SLAIN2: variants seen among roughly 807,000 people sequenced by gnomAD.
SLAIN2 encodes the protein SLAIN family member 2.
Under a neutral mutation model 56.6 loss-of-function variants are expected in SLAIN2, and 31 were observed. That is an observed-to-expected ratio of 0.55 (90% CI 0.41 to 0.74). SLAIN2 has a LOEUF of 0.74. SLAIN2 is among the 30% of genes least tolerant of loss of function. The probability of loss-of-function intolerance (pLI) is 0.00; values close to 1 mark genes in which losing one functional copy is unlikely to be tolerated. For synonymous variants in SLAIN2, 317 were observed against 284.9 expected, an observed-to-expected ratio of 1.11 and a Z score of -1.13; for missense variants, 777 against 754.2, an observed-to-expected ratio of 1.03 and a Z score of -0.35.
At chr4:48,366,406 T>C (rs1442930140) in intron 1 of SLAIN2, among the ~76,000 whole-genome samples, 1 of 152,228 alleles carries the variant, frequency 6.6e-6, no homozygotes, top group African/African-American at 2.4e-5. Context: ...AAGAGTCGGC[T>C]ATTGAAACCC....
At chr4:48,391,486 C>A (rs1425965616) in intron 6 of SLAIN2, among the ~76,000 whole-genome samples, 2 of 152,142 alleles carry the variant, frequency 1.3e-5, no homozygotes, top group Non-Finnish European at 2.9e-5. Context: ...GCTTTTATAA[C>A]TGATGTTTAT....
At chr4:48,351,988 G>T (rs1715024031) in intron 1 of SLAIN2, among the ~76,000 whole-genome samples, 1 of 152,198 alleles carries the variant, frequency 6.6e-6, no homozygotes, top group Non-Finnish European at 1.5e-5. Flanking sequence ...TAGAGAAAAG[G>T]CCTGTGAAGA....
intron 1 of SLAIN2, among the ~76,000 whole-genome samples, chr4:48,342,587 A>G (rs980521743): frequency 1.2e-4 from 18 of 151,908 alleles, no homozygotes; most frequent in Non-Finnish European, 1.2e-4. Flanking sequence ...GTCTACGTCT[A>G]TGCAGCGGTT....
chr4:48,395,420 A>G (rs1204267166), intron 6 of SLAIN2, among the ~76,000 whole-genome samples: 1 of 151,686 alleles, frequency 6.6e-6, no homozygotes, highest in Non-Finnish European at 1.5e-5. Flanking sequence ...AAAATTACGC[A>G]GGAAGAAGAA....
intron 1 of SLAIN2, among the ~76,000 whole-genome samples, chr4:48,369,599 C>T (rs1715613068): frequency 1.3e-5 from 2 of 152,110 alleles, no homozygotes; most frequent in Non-Finnish European, 2.9e-5. Flanking sequence ...CAGGTATTTT[C>T]TCATAGTCTT....
At position 48,370,092 on chromosome 4, in the gene SLAIN2, T is replaced by C. The variant is rs149513600; in HGVS notation, c.538+95T>C. ...ATTGTGTTTTTAGGAAGCAATTCTT[T>C]GGAGCATTTTTCAAATCTCATTGTT... On this transcript the variant is annotated intron_variant, in intron 2 of 7. Transcript: ENST00000264313. 4.0e-3 allele frequency: 5,113 copies of C among 1,265,372 alleles called. 15 individuals carry two copies. The highest frequency in any genetic ancestry group is 0.016 in the Middle Eastern group (81 of 4,914). The allele number at this position is 1,265,372 out of a possible 1,614,324, so 78.4% of individuals were successfully genotyped here.
At chr4:48,345,463 G>A (rs1478981808) in intron 1 of SLAIN2, among the ~76,000 whole-genome samples, 2 of 151,780 alleles carry the variant, frequency 1.3e-5, no homozygotes, top group Non-Finnish European at 2.9e-5. Flanking sequence ...ATGATATTTG[G>A]TCAGATGGAG....
chr4:48,365,666 T>G (rs1239503287), intron 1 of SLAIN2, among the ~76,000 whole-genome samples: 1 of 151,868 alleles, frequency 6.6e-6, no homozygotes, highest in Non-Finnish European at 1.5e-5. Flanking sequence ...GTTCAAACAA[T>G]TCTGCCTGCC....
chr4:48,394,166 C>T (rs1466823399), intron 6 of SLAIN2, among the ~76,000 whole-genome samples: 1 of 152,214 alleles, frequency 6.6e-6, no homozygotes, highest in Non-Finnish European at 1.5e-5. Flanking sequence ...GGCAATTCAT[C>T]TAACAATAAC....
intron 6 of SLAIN2, among the ~76,000 whole-genome samples, chr4:48,392,413 C>T (rs772566374): frequency 2.6e-5 from 4 of 152,122 alleles, no homozygotes; most frequent in Admixed American, 6.5e-5. Flanking sequence ...TCCTTCCAGA[C>T]GAGTTCATTA....
intron 1 of SLAIN2, among the ~76,000 whole-genome samples, chr4:48,362,732 C>CTTTTTTTTTTTTTTTTT (rs397716685): frequency 2.6e-5 from 3 of 116,394 alleles, no homozygotes; most frequent in Non-Finnish European, 5.1e-5. Flanking sequence ...TTTTAAATTT[C>CTTTTTTTTTTTTTTTTT]TTTTTTTTTT....
Position 48,341,887 on chromosome 4 carries a change from G to T in SLAIN2, c.148G>T (p.Val50Phe), listed in dbSNP as rs1250170686. Residue 50 changes from valine (V) to phenylalanine (F), a missense_variant, in exon 1 of 8, where the codon GTT (valine) becomes TTT (phenylalanine). By Grantham distance (50) the Val-to-Phe change is conservative. Transcript: ENST00000264313. ...GAGSLGPGSP[V>F]RAGASIPSSG... ...CGGCTCCCTTGGGCCCGGCAGCCCG[G>T]TTCGGGCCGGCGCGTCCATTCCCTC... The T allele has an allele frequency of 6.6e-7, 1 of 1,514,756 alleles. No individual in the cohort carries two copies. Among genetic ancestry groups the T allele is most frequent in the African/African-American group, 1.4e-5 (1 of 69,074 alleles). The allele number at this position is 1,514,756 out of a possible 1,614,324, so 93.8% of individuals were successfully genotyped here.
intron 2 of SLAIN2, among the ~76,000 whole-genome samples, chr4:48,376,223 G>A (rs950944189): frequency 6.6e-6 from 1 of 152,176 alleles, no homozygotes; most frequent in African/African-American, 2.4e-5. Flanking sequence ...GGAGGCCAAG[G>A]CAGGCGGATC....
In SLAIN2 at chr4:48,369,935, C is replaced by CA; in HGVS notation, c.478dup (p.Ser160LysfsTer3). ...TGGTGCAGGCAAGTTTTGGATTACC[C>CA]AAGTCCTGATGTTGAGTGTGCTAAA... is the stretch of plus-strand genomic sequence containing the variant. On this transcript the variant is annotated frameshift_variant, in exon 2 of 8. Coordinates refer to ENST00000264313, the MANE Select transcript of SLAIN2 (RefSeq NM_020846.2). LOFTEE classifies it high-confidence loss of function. 1 of 1,613,690 alleles carries CA rather than the reference C, an allele frequency of 6.2e-7. No homozygotes were observed. The highest frequency in any genetic ancestry group is 8.5e-7 in the Non-Finnish European group (1 of 1,179,708).
At chr4:48,388,294 A>G (rs1169178946) in intron 6 of SLAIN2, among the ~76,000 whole-genome samples, 6 of 152,190 alleles carry the variant, frequency 3.9e-5, no homozygotes, top group Non-Finnish European at 7.4e-5. Flanking sequence ...ATACATGTCA[A>G]TTTCTTAGTT....
intron 1 of SLAIN2, among the ~76,000 whole-genome samples, chr4:48,357,547 G>A (rs1715191779): frequency 6.6e-6 from 1 of 150,938 alleles, no homozygotes; most frequent in South Asian, 2.1e-4. Flanking sequence ...GTGCTCAGGT[G>A]ACTTTTATTT....
intron 1 of SLAIN2, among the ~76,000 whole-genome samples, chr4:48,365,299 T>A (rs1715483664): frequency 6.6e-6 from 1 of 151,640 alleles, no homozygotes; most frequent in Non-Finnish European, 1.5e-5. Flanking sequence ...TGAAACTCCG[T>A]CTCTACTAAA....
rs1717072833 is a variant in SLAIN2, at chr4:48,418,955, T to C, written c.1361-1170T>C. 1.3e-5 allele frequency among the ~76,000 whole-genome samples: 2 copies of C among 152,230 alleles called. 1 individual carries two copies. Among genetic ancestry groups the C allele is most frequent in the Admixed American group, 1.3e-4 (2 of 15,282 alleles). Reference sequence around the variant, plus strand: ...TTTGTTCTATACATCAGTAGTTTACTCCTTTTTACTGCTGAGCGGTATTCT... The same window carrying C: ...TTTGTTCTATACATCAGTAGTTTACCCCTTTTTACTGCTGAGCGGTATTCT... On this transcript the variant is annotated intron_variant, in intron 6 of 7. Transcript: ENST00000264313.
rs533313560 is a variant in SLAIN2, at chr4:48,369,875, T to A, written c.416T>A (p.Leu139His). 5 of 1,613,492 alleles carry A rather than the reference T, an allele frequency of 3.1e-6. 1 individual carries two copies. In the South Asian group the frequency reaches 5.5e-5, roughly 18 times the overall value. ...CTGTATTCATCACCAAAGAAAAAAC[T>A]TACACCAATGCAGAAATCGGTTAGT... is the stretch of plus-strand genomic sequence containing the variant. ...SWLYSSPKKK[L>H]TPMQKSVSPL... is the part of the protein sequence containing the mutation. Residue 139 changes from leucine to histidine, a missense_variant, in exon 2 of 8, where the codon CTT becomes CAT. Transcript: ENST00000264313.
Sources: gnomAD v4.1 joint callset for allele counts (sites outside exome capture counted in the v4.1 genomes callset) on GRCh38, gnomAD v4.1.1 for gene constraint, MANE v1.5 for transcripts, NCBI Gene and HGNC (gene_info 2026-07-23, HGNC 2026-07-21) for gene names.